NXPH2: variants seen among roughly 807,000 people sequenced by gnomAD.
The protein encoded by NXPH2 is neurexophilin 2.
Under a neutral mutation model 19.8 loss-of-function variants are expected in NXPH2, and 5 were observed. That is an observed-to-expected ratio of 0.25 (90% CI 0.13 to 0.53). The LOEUF is 0.53. NXPH2 is among the 20% of genes least tolerant of loss of function. The pLI is 0.96. For synonymous variants in NXPH2, 154 were observed against 127.4 expected, an observed-to-expected ratio of 1.21 and a Z score of -1.41; for missense variants, 289 against 322.8, an observed-to-expected ratio of 0.90 and a Z score of 0.80.
intron 1 of NXPH2, among the ~76,000 whole-genome samples, chr2:138,779,702 C>G (rs1682320631): frequency 6.6e-6 from 1 of 152,168 alleles, no homozygotes; most frequent in Non-Finnish European, 1.5e-5. Context: ...CCCAGCAAGG[C>G]GCCACTACCT....
chr2:138,742,693 G>A (rs1681664253), intron 1 of NXPH2, among the ~76,000 whole-genome samples: 1 of 152,166 alleles, frequency 6.6e-6, no homozygotes, highest in African/African-American at 2.4e-5. Flanking sequence ...GCAGGCATCT[G>A]CACTTGCTGT....
At chr2:138,733,636 C>T (rs545075710) in intron 1 of NXPH2, among the ~76,000 whole-genome samples, 1 of 152,162 alleles carries the variant, frequency 6.6e-6, no homozygotes, top group Admixed American at 6.5e-5. Context: ...CTCTAGCTAC[C>T]ATTATTAATA....
At position 138,670,730 on chromosome 2, in the gene NXPH2, C is replaced by G. The variant is rs1408585845; in HGVS notation, c.*192G>C. On this transcript the variant is annotated 3_prime_UTR_variant, in exon 2 of 2. Transcript: ENST00000272641. ...CAGTTTAACTTTTTAGATAAAGGTACCTACGATAGAAAGAAACAAATTTCA... is the reference window on the plus strand; with the variant it reads ...CAGTTTAACTTTTTAGATAAAGGTAGCTACGATAGAAAGAAACAAATTTCA... 3 of 527,828 alleles carry G rather than the reference C, an allele frequency of 5.7e-6. No individual in the cohort carries two copies. The highest frequency in any genetic ancestry group is 9.7e-6 in the Non-Finnish European group (3 of 310,572). The allele number at this position is 527,828 out of a possible 1,614,324, so 32.7% of individuals were successfully genotyped here.
chr2:138,751,997 T>C (rs920784565), intron 1 of NXPH2, among the ~76,000 whole-genome samples: 2 of 152,120 alleles, frequency 1.3e-5, no homozygotes, highest in African/African-American at 4.8e-5. Context: ...GTTTCAAAAA[T>C]ACATTGAACT....
In NXPH2 at chr2:138,671,443, C is replaced by T; in HGVS notation, c.274G>A (p.Glu92Lys). 6.2e-7 allele frequency: 1 copy of T among 1,613,958 alleles called. No homozygotes were observed. Among genetic ancestry groups the T allele is most frequent in the Non-Finnish European group, 8.5e-7 (1 of 1,179,830 alleles). Residue 92 changes from glutamate (E) to lysine (K), a missense_variant, in exon 2 of 2, where the codon GAG becomes AAG. Coordinates refer to ENST00000272641, the MANE Select transcript of NXPH2 (RefSeq NM_007226.3). ...DWLANITEIQ[E>K]PLARTKRRPI... is the part of the protein sequence containing the mutation. ...CTCCGTTTAGTTCTTGCCAATGGCT[C>T]CTGAATCTCCGTGATGTTGGCCAGC... is the stretch of plus-strand genomic sequence containing the variant.
intron 1 of NXPH2, among the ~76,000 whole-genome samples, chr2:138,677,877 A>T (rs1234990705): frequency 6.6e-6 from 1 of 152,156 alleles, no homozygotes. Flanking sequence ...GTTCCCATAG[A>T]CCCTGCACCC....
chr2:138,710,908 G>A (rs997446077), intron 1 of NXPH2, among the ~76,000 whole-genome samples: 3 of 151,900 alleles, frequency 2.0e-5, no homozygotes, highest in Non-Finnish European at 4.4e-5. Flanking sequence ...GTCTCTCCCC[G>A]ACCTTCCTTG....
chr2:138,710,377 A>G (rs572587774), intron 1 of NXPH2, among the ~76,000 whole-genome samples: 105 of 152,318 alleles, frequency 6.9e-4, no homozygotes, highest in African/African-American at 2.4e-3. Context: ...AGATTGGTAT[A>G]AAAGTATTTG....
At chr2:138,725,889 C>G (rs1339527692) in intron 1 of NXPH2, among the ~76,000 whole-genome samples, 1 of 152,110 alleles carries the variant, frequency 6.6e-6, no homozygotes, top group Non-Finnish European at 1.5e-5. Context: ...TTCACATTAT[C>G]TCCATTTATA....
chr2:138,759,811 C>G (rs796985949), intron 1 of NXPH2, among the ~76,000 whole-genome samples: 11 of 148,774 alleles, frequency 7.4e-5, no homozygotes, highest in African/African-American at 1.7e-4. Flanking sequence ...CTCACTGCAA[C>G]CTCCGCCTCC....
chr2:138,687,049 A>C (rs1470537586), intron 1 of NXPH2, among the ~76,000 whole-genome samples: 1 of 152,102 alleles, frequency 6.6e-6, no homozygotes, highest in Non-Finnish European at 1.5e-5. Context: ...ATGATTTATA[A>C]TTTTTTGGGT....
rs148566843 is a variant in NXPH2 at position 138,703,119 on chromosome 2, T to C, written c.52-31454A>G. Reference sequence around the variant, plus strand: ...GAACTTAAAGTCCATTTTTCTTTTATATCGTCAGGACCCAGTGACTGAACT... The same window carrying C: ...GAACTTAAAGTCCATTTTTCTTTTACATCGTCAGGACCCAGTGACTGAACT... On this transcript the variant is annotated intron_variant, in intron 1 of 1. Coordinates refer to ENST00000272641, the MANE Select transcript of NXPH2 (RefSeq NM_007226.3). 5.9e-3 allele frequency among the ~76,000 whole-genome samples: 894 copies of C among 152,344 alleles called. 2 individuals carry two copies. Among genetic ancestry groups the C allele is most frequent in the Admixed American group, 0.012 (179 of 15,304 alleles).
At chr2:138,743,841 A>G (rs997250632) in intron 1 of NXPH2, among the ~76,000 whole-genome samples, 6 of 151,976 alleles carry the variant, frequency 3.9e-5, no homozygotes, top group African/African-American at 1.2e-4. Context: ...CATCTCTATT[A>G]AAAGTACAAA....
At chr2:138,684,123 A>G (rs568967347) in intron 1 of NXPH2, among the ~76,000 whole-genome samples, 17 of 152,308 alleles carry the variant, frequency 1.1e-4, no homozygotes, top group African/African-American at 4.1e-4. Context: ...AAATAACCTC[A>G]TTTGATTCTT....
intron 1 of NXPH2, among the ~76,000 whole-genome samples, chr2:138,723,421 C>G (rs914092637): frequency 3.9e-5 from 6 of 152,156 alleles, no homozygotes; most frequent in Non-Finnish European, 7.3e-5. Context: ...AAACCTATCC[C>G]TGAAATCTAG....
At chr2:138,707,687 T>G (rs913267426) in intron 1 of NXPH2, among the ~76,000 whole-genome samples, 1 of 152,214 alleles carries the variant, frequency 6.6e-6, no homozygotes, top group African/African-American at 2.4e-5. Context: ...CTTTAGTTTA[T>G]TTTCAACTAA....
chr2:138,767,651 TTTG>T (rs1682112449), intron 1 of NXPH2, among the ~76,000 whole-genome samples: 1 of 152,244 alleles, frequency 6.6e-6, no homozygotes, highest in Admixed American at 6.5e-5. Flanking sequence ...AAGATATTAT[TTTG>T]TTGTTAATAA....
At chr2:138,758,254 C>T (rs907559459) in intron 1 of NXPH2, among the ~76,000 whole-genome samples, 1 of 152,042 alleles carries the variant, frequency 6.6e-6, no homozygotes, top group African/African-American at 2.4e-5. Flanking sequence ...ATCTATAATA[C>T]TATTAAATAG....
chr2:138,700,800 A>G (rs1680910284), intron 1 of NXPH2, among the ~76,000 whole-genome samples: 1 of 152,048 alleles, frequency 6.6e-6, no homozygotes, highest in Non-Finnish European at 1.5e-5. Context: ...AGACTGGTTC[A>G]TTAAAATACT....
Sources: allele counts gnomAD v4.1 joint callset (sites outside exome capture counted in the v4.1 genomes callset), GRCh38; gene constraint gnomAD v4.1.1; transcripts MANE v1.5; gene names NCBI Gene and HGNC (gene_info 2026-07-23, HGNC 2026-07-21).